TMEM132D: variants seen among roughly 807,000 people sequenced by gnomAD.
TMEM132D encodes the protein transmembrane protein 132D.
In TMEM132D, 21 loss-of-function variants were observed where a neutral mutation model predicts 62.3. The ratio of observed to expected loss-of-function variants is 0.34; its 90% CI spans 0.24 to 0.49. TMEM132D has a LOEUF of 0.49. Among genes scored for constraint, TMEM132D ranks in the 20% least tolerant of loss-of-function variants. The pLI is 0.99. For synonymous variants in TMEM132D, 621 were observed against 575.6 expected (o/e 1.08, Z -1.13); for missense variants, 1,346 against 1,402.8 (o/e 0.96, Z 0.65).
intron 3 of TMEM132D, chr12:129,522,436 T>C (rs1186910055): frequency 6.6e-6 from 1 of 152,108 alleles, no homozygotes; most frequent in Non-Finnish European, 1.5e-5. Context: ...TCTAAGCTGT[T>C]CCCCAGGACT....
chr12:129,564,064 T>A lies in TMEM132D; in HGVS notation c.969-32859A>T, dbSNP rs1016070176. Among the ~76,000 whole-genome samples, 6 of 152,128 alleles carry A rather than the reference T, an allele frequency of 3.9e-5. No homozygotes were observed. The South Asian group carries it at 6.2e-4, about 16-fold the overall frequency. On this transcript the variant is annotated intron_variant, in intron 2 of 8. Transcript: ENST00000422113. The stretch of plus-strand genomic sequence containing the variant: ...CAGGTATAACTAAGACGTTTCAGGG[T>A]ATTTTCATTAATTAGTCCCAAAGTA...
intron 2 of TMEM132D, among the ~76,000 whole-genome samples, chr12:129,559,945 T>C (rs1877168334): frequency 6.6e-6 from 1 of 152,154 alleles, no homozygotes; most frequent in Non-Finnish European, 1.5e-5. Context: ...GCTGCTGGCC[T>C]CCAGTGAAAA....
At chr12:129,377,701 T>A (rs1019999790) in intron 3 of TMEM132D, among the ~76,000 whole-genome samples, 1 of 152,172 alleles carries the variant, frequency 6.6e-6, no homozygotes, top group Non-Finnish European at 1.5e-5. Flanking sequence ...TGAGTGTAAA[T>A]CTTTGACTCA....
chr12:129,131,610 A>AAAAGAAAGAAAG lies in TMEM132D; in HGVS notation c.1444-46920_1444-46909dup, dbSNP rs36097196. On this transcript the variant is annotated intron_variant, in intron 5 of 8. Coordinates refer to ENST00000422113, the MANE Select transcript of TMEM132D (RefSeq NM_133448.3). The stretch of plus-strand genomic sequence containing the variant: ...GTGACAGAGTGAGACTCTGTCTAAA[A>AAAAGAAAGAAAG]AAAGAAAGAAAGAAAGAAAGAAATT... Among the ~76,000 whole-genome samples, 1,117 of 151,754 alleles carry AAAAGAAAGAAAG rather than the reference A, an allele frequency of 7.4e-3. 3 individuals are homozygous for AAAAGAAAGAAAG. Among genetic ancestry groups the AAAAGAAAGAAAG allele is most frequent in the Non-Finnish European group, 0.013 (870 of 67,906 alleles).
intron 3 of TMEM132D, among the ~76,000 whole-genome samples, chr12:129,405,409 A>G (rs1397232196): frequency 6.6e-6 from 1 of 152,172 alleles, no homozygotes; most frequent in African/African-American, 2.4e-5. Context: ...TAGGGCATCA[A>G]CATGTAAATC....
chr12:129,615,454 A>C (rs1878888015), intron 2 of TMEM132D, among the ~76,000 whole-genome samples: 1 of 151,898 alleles, frequency 6.6e-6, no homozygotes, highest in Non-Finnish European at 1.5e-5. Context: ...TATAAAAAAA[A>C]AAGTACGGCC....
chr12:129,275,851 C>T (rs1215127147), intron 4 of TMEM132D, among the ~76,000 whole-genome samples: 2 of 152,192 alleles, frequency 1.3e-5, no homozygotes, highest in African/African-American at 4.8e-5. Flanking sequence ...GGGGTCTTGA[C>T]ATTTTCAGAC....
chr12:129,759,318 AG>A (rs1434375989), intron 1 of TMEM132D, among the ~76,000 whole-genome samples: 2 of 152,208 alleles, frequency 1.3e-5, no homozygotes, highest in Admixed American at 1.3e-4. Context: ...ACAATGTGTT[AG>A]GGTTTGGCCT....
intron 4 of TMEM132D, among the ~76,000 whole-genome samples, chr12:129,285,119 G>C (rs1335888359): frequency 1.3e-5 from 2 of 152,162 alleles, no homozygotes; most frequent in Non-Finnish European, 2.9e-5. Flanking sequence ...ATGCCACTGA[G>C]TCAACATCCC....
chr12:129,168,558 A>G (rs1877629424), intron 5 of TMEM132D, among the ~76,000 whole-genome samples: 1 of 152,078 alleles, frequency 6.6e-6, no homozygotes, highest in Non-Finnish European at 1.5e-5. Flanking sequence ...TTCACCTAAT[A>G]TGACGTCCTC....
intron 4 of TMEM132D, among the ~76,000 whole-genome samples, chr12:129,234,230 A>G (rs1879722471): frequency 6.6e-6 from 1 of 152,234 alleles, no homozygotes; most frequent in East Asian, 1.9e-4. Flanking sequence ...TTAAAAGGAG[A>G]GAACAGGCAT....
chr12:129,379,046 A>T (rs1870862476), intron 3 of TMEM132D, among the ~76,000 whole-genome samples: 1 of 152,196 alleles, frequency 6.6e-6, no homozygotes, highest in Admixed American at 6.5e-5. Context: ...AATGAACCTG[A>T]TTATGGGTAA....
intron 4 of TMEM132D, among the ~76,000 whole-genome samples, chr12:129,290,999 G>T (rs964959378): frequency 5.9e-5 from 9 of 152,104 alleles, no homozygotes; most frequent in Admixed American, 4.6e-4. Context: ...AGTGTCGAAG[G>T]TTTCATGTAT....
At chr12:129,289,373 G>A (rs937472345) in intron 4 of TMEM132D, among the ~76,000 whole-genome samples, 4 of 151,536 alleles carry the variant, frequency 2.6e-5, no homozygotes, top group Non-Finnish European at 4.4e-5. Context: ...GTGAAACTCC[G>A]TCTCTACTAA....
rs536344684 is a variant in TMEM132D at position 129,539,807 on chromosome 12, C to T, written c.969-8602G>A. On this transcript the variant is annotated intron_variant, in intron 2 of 8. Coordinates refer to ENST00000422113, the MANE Select transcript of TMEM132D (RefSeq NM_133448.3). ...TAAACATGCTGCTTTGATCACAGAT[C>T]ACCCTGGTCTCTTTTCTCTACCAGC... is the stretch of plus-strand genomic sequence containing the variant. Among the ~76,000 whole-genome samples the T allele has an allele frequency of 1.9e-4, 29 of 152,314 alleles. No homozygotes were observed. In the South Asian group the frequency reaches 5.8e-3, roughly 30 times the overall value.
At chr12:129,249,360 A>G (rs1880206173) in intron 4 of TMEM132D, among the ~76,000 whole-genome samples, 1 of 152,152 alleles carries the variant, frequency 6.6e-6, no homozygotes, top group Admixed American at 6.5e-5. Context: ...TTAAAGAATG[A>G]TTTTTAGCAC....
intron 1 of TMEM132D, among the ~76,000 whole-genome samples, chr12:129,785,354 G>A (rs1296365783): frequency 6.6e-6 from 1 of 152,172 alleles, no homozygotes; most frequent in African/African-American, 2.4e-5. Flanking sequence ...TTTGATGTTT[G>A]CATTTGTATA....
At chr12:129,133,593 G>A (rs1299456745) in intron 5 of TMEM132D, among the ~76,000 whole-genome samples, 1 of 152,156 alleles carries the variant, frequency 6.6e-6, no homozygotes, top group Admixed American at 6.5e-5. Context: ...AAGACCTGAG[G>A]ATAGATATGG....
At chr12:129,302,483 C>A (rs952246638) in intron 4 of TMEM132D, among the ~76,000 whole-genome samples, 42 of 152,258 alleles carry the variant, frequency 2.8e-4, no homozygotes, top group African/African-American at 1.0e-3. Flanking sequence ...GCCCCTGGCA[C>A]ACAACACGAA....
Sources: allele counts gnomAD v4.1 joint callset (sites outside exome capture counted in the v4.1 genomes callset), GRCh38; gene constraint gnomAD v4.1.1; transcripts MANE v1.5; gene names NCBI Gene and HGNC (gene_info 2026-07-23, HGNC 2026-07-21).